The following STPG2 variants were observed in gnomAD, a reference collection of about 807,000 sequenced individuals.
The protein encoded by STPG2 is sperm-tail PG-rich repeat-containing protein 2.
A neutral mutation model predicts 54.2 loss-of-function variants in STPG2; 56 were observed. The ratio of observed to expected loss-of-function variants is 1.03; its 90% CI spans 0.83 to 1.29. STPG2 has a LOEUF of 1.29. STPG2 is among the 50% of genes most tolerant of loss of function. The pLI, the probability that STPG2 is intolerant of heterozygous loss-of-function variation, is 0.00. For missense variants in STPG2, 596 were observed against 544.9 expected (o/e 1.09, Z -0.93); for synonymous variants, 200 against 181.8 (o/e 1.10, Z -0.81).
intron 4 of STPG2, among the ~76,000 whole-genome samples, chr4:97,537,604 C>G (rs1484732355): frequency 3.3e-5 from 5 of 152,210 alleles, no homozygotes; most frequent in African/African-American, 1.2e-4. Context: ...CTTCTGTAGA[C>G]TCCACCTCTG....
intron 9 of STPG2, among the ~76,000 whole-genome samples, chr4:97,733,242 G>A (rs1004797881): frequency 1.7e-4 from 26 of 152,034 alleles, no homozygotes; most frequent in Non-Finnish European, 3.1e-4. Flanking sequence ...TATACACCAC[G>A]GAAAACTATT....
At chr4:97,806,506 AT>A (rs1727571683) in intron 9 of STPG2, among the ~76,000 whole-genome samples, 1 of 152,104 alleles carries the variant, frequency 6.6e-6, no homozygotes, top group Admixed American at 6.6e-5. Flanking sequence ...TACCCCCTGA[AT>A]CTAAAATGAA....
intron 5 of STPG2, among the ~76,000 whole-genome samples, chr4:98,092,683 T>C (rs1738727871): frequency 6.6e-6 from 1 of 152,074 alleles, no homozygotes; most frequent in Admixed American, 6.5e-5. Flanking sequence ...TCTATATTAG[T>C]AAATTATTTT....
Position 97,497,173 on chromosome 4 carries a change from C to T in STPG2, c.462+215526G>A, listed in dbSNP as rs186786274. On this transcript the variant is annotated intron_variant, in intron 4 of 4. Transcript: ENST00000522676. ...TAAAGAAAATCAAAACAGAAAATAA[C>T]ACAAGCAGGCAGCATATACACTAAC... 7.9e-5 allele frequency among the ~76,000 whole-genome samples: 12 copies of T among 151,768 alleles called. No individual in the cohort carries two copies. In the East Asian group the frequency reaches 2.2e-3, roughly 27 times the overall value.
chr4:97,539,510 G>A lies in STPG2; in HGVS notation c.462+173189C>T, dbSNP rs566875815. On this transcript the variant is annotated intron_variant, in intron 4 of 4. Transcript: ENST00000522676. ...AGATCTAACTATCGTAAATATTTAT[G>A]CACCCAATACAGGAGCACCCAGATT... Among the ~76,000 whole-genome samples, 4 of 152,308 alleles carry A rather than the reference G, an allele frequency of 2.6e-5. No homozygotes were observed. In the East Asian group the frequency reaches 7.7e-4, roughly 29 times the overall value.
chr4:97,605,367 T>G (rs1457969488), intron 10 of STPG2, among the ~76,000 whole-genome samples: 1 of 151,802 alleles, frequency 6.6e-6, no homozygotes, highest in Non-Finnish European at 1.5e-5. Context: ...TATGCTTTCA[T>G]GCATTTGAAA....
chr4:97,752,698 T>A (rs1054988208), intron 9 of STPG2, among the ~76,000 whole-genome samples: 1 of 151,898 alleles, frequency 6.6e-6, no homozygotes, highest in Non-Finnish European at 1.5e-5. Context: ...ACCATTACCC[T>A]GGAATATAGT....
chr4:98,053,039 TG>T (rs1737371404), intron 5 of STPG2, among the ~76,000 whole-genome samples: 3 of 152,170 alleles, frequency 2.0e-5, no homozygotes, highest in Admixed American at 2.0e-4. Flanking sequence ...AAAGGACTGA[TG>T]AAACATTAGA....
At chr4:97,663,578 A>T (rs1021229092) in intron 10 of STPG2, among the ~76,000 whole-genome samples, 28 of 152,328 alleles carry the variant, frequency 1.8e-4, no homozygotes, top group Admixed American at 2.6e-4. Flanking sequence ...CAGCTGAATT[A>T]AAAACTTCTG....
chr4:97,866,787 T>A (rs1176964199), intron 8 of STPG2, among the ~76,000 whole-genome samples: 1 of 152,036 alleles, frequency 6.6e-6, no homozygotes, highest in Admixed American at 6.6e-5. Context: ...GGTATTCAAA[T>A]GCATTTGTGT....
At chr4:97,785,442 TAA>T (rs1483907047) in intron 9 of STPG2, among the ~76,000 whole-genome samples, 2 of 152,098 alleles carry the variant, frequency 1.3e-5, no homozygotes, top group Non-Finnish European at 1.5e-5. Flanking sequence ...GTCATTGATA[TAA>T]GTTTCCCCAA....
chr4:97,482,488 T>G (rs568063068), intron 4 of STPG2, among the ~76,000 whole-genome samples: 4 of 151,594 alleles, frequency 2.6e-5, no homozygotes, highest in Non-Finnish European at 5.9e-5. Context: ...ATCTTCTAAT[T>G]AACCCAATCC....
intron 9 of STPG2, among the ~76,000 whole-genome samples, chr4:97,731,883 C>T (rs1724807193): frequency 6.6e-6 from 1 of 152,186 alleles, no homozygotes; most frequent in Non-Finnish European, 1.5e-5. Context: ...TGTCCTTTGG[C>T]CCCTTTGTCC....
chr4:97,619,900 T>C (rs1421759041), intron 10 of STPG2, among the ~76,000 whole-genome samples: 1 of 151,496 alleles, frequency 6.6e-6, no homozygotes, highest in East Asian at 2.0e-4. Flanking sequence ...CTCGGCTCAC[T>C]GCAAGCTCCA....
intron 8 of STPG2, among the ~76,000 whole-genome samples, chr4:97,932,956 A>G (rs562841133): frequency 6.6e-6 from 1 of 152,320 alleles, no homozygotes; most frequent in South Asian, 2.1e-4. Context: ...GTCTTCCACA[A>G]TGGTTGAACT....
chr4:97,674,091 T>C (rs1306704769), intron 10 of STPG2, among the ~76,000 whole-genome samples: 2 of 152,144 alleles, frequency 1.3e-5, no homozygotes, highest in African/African-American at 4.8e-5. Context: ...TCACTAGTGA[T>C]CTCTCCCTTC....
intron 8 of STPG2, among the ~76,000 whole-genome samples, chr4:97,902,029 A>G (rs543358173): frequency 1.7e-4 from 26 of 151,058 alleles, no homozygotes; most frequent in Non-Finnish European, 3.1e-4. Flanking sequence ...AATCTTTGGC[A>G]AAATCACCAA....
chr4:98,026,362 C>G (rs987251634), intron 5 of STPG2: 1 of 453,018 alleles, frequency 2.2e-6, no homozygotes, highest in African/African-American at 2.0e-5. Context: ...CCGATTTATT[C>G]CTCTGCCTCG....
chr4:97,859,508 GGCAGGGAGTGCAGTGGGGC>G (rs1441231533), intron 8 of STPG2, among the ~76,000 whole-genome samples: 1 of 147,522 alleles, frequency 6.8e-6, no homozygotes, highest in Non-Finnish European at 1.5e-5. Flanking sequence ...CTGTCGCCCA[GGCAGGGAGTGCAGTGGGGC>G]GATCTGCCCT....
Sources: gnomAD v4.1 joint callset for allele counts (sites outside exome capture counted in the v4.1 genomes callset) on GRCh38, gnomAD v4.1.1 for gene constraint, MANE v1.5 for transcripts, NCBI Gene and HGNC (gene_info 2026-07-23, HGNC 2026-07-21) for gene names.